Variants in RAB6A observed in about 807,000 individuals in gnomAD.
RAB6A encodes the protein RAB6A, member RAS oncogene family, also known as ras-related protein Rab-6A.
RAB6A carries 8 observed loss-of-function variants against 32.3 expected under a neutral mutation model. That is an observed-to-expected ratio of 0.25 (90% CI 0.15 to 0.45). The LOEUF is 0.45. Among genes scored for constraint, RAB6A ranks in the 20% least tolerant of loss-of-function variants. The pLI is 1.00. For synonymous variants in RAB6A, 73 were observed against 82.1 expected (o/e 0.89, Z 0.60); for missense variants, 104 against 249.4 (o/e 0.42, Z 3.93).
At chr11:73,751,801 C>G (rs977133031) in intron 1 of RAB6A, among the ~76,000 whole-genome samples, 9 of 152,152 alleles carry the variant, frequency 5.9e-5, no homozygotes, top group African/African-American at 2.2e-4. Context: ...AAGATTCTCT[C>G]CAGCAGTGCA....
chr11:73,735,912 C>A (rs1158680809), intron 1 of RAB6A, among the ~76,000 whole-genome samples: 3 of 95,966 alleles, frequency 3.1e-5, no homozygotes, highest in African/African-American at 1.2e-4. Context: ...GGAATCCCAA[C>A]CTTGCCTTAA....
At chr11:73,711,379 G>A (rs1945955385) in intron 5 of RAB6A, among the ~76,000 whole-genome samples, 3 of 152,072 alleles carry the variant, frequency 2.0e-5, no homozygotes, top group Admixed American at 1.3e-4. Flanking sequence ...ACTTCACCTT[G>A]CATTTTTTCA....
chr11:73,677,497 G>A lies in RAB6A; in HGVS notation c.*401C>T, dbSNP rs2134854292. 2.8e-6 allele frequency: 1 copy of A among 351,416 alleles called. No homozygotes were observed. The highest frequency in any genetic ancestry group is 5.4e-5 in the East Asian group (1 of 18,390). The allele number at this position is 351,416 out of a possible 1,614,324, so 21.8% of individuals were successfully genotyped here. A position where few individuals can be genotyped will look rare whatever the true frequency, so the allele number is the denominator to read the frequency against. On this transcript the variant is annotated 3_prime_UTR_variant, in exon 8 of 8. Coordinates refer to ENST00000336083, the MANE Select transcript of RAB6A (RefSeq NM_198896.2). ...ATAGGGTAATAGGGAATGGGGGTAA[G>A]TGAGAGGTGAGAAAAGCAAGGAGAG...
At chr11:73,687,598 G>T (rs185006342) in intron 6 of RAB6A, among the ~76,000 whole-genome samples, 1 of 152,294 alleles carries the variant, frequency 6.6e-6, no homozygotes, top group African/African-American at 2.4e-5. Context: ...CATGCCACTC[G>T]TAATCCCAGC....
chr11:73,737,275 A>G (rs1946412753), intron 1 of RAB6A, among the ~76,000 whole-genome samples: 1 of 152,048 alleles, frequency 6.6e-6, no homozygotes, highest in Admixed American at 6.6e-5. Context: ...GAGTGAATAC[A>G]GGAGTTCGAG....
chr11:73,706,470 C>T (rs1025725271), intron 6 of RAB6A, among the ~76,000 whole-genome samples: 2 of 151,040 alleles, frequency 1.3e-5, no homozygotes, highest in African/African-American at 4.9e-5. Flanking sequence ...GCCGAGATCG[C>T]GCCACTGCAC....
chr11:73,680,224 G>A (rs972740832), intron 6 of RAB6A, among the ~76,000 whole-genome samples: 17 of 151,932 alleles, frequency 1.1e-4, no homozygotes, highest in African/African-American at 3.9e-4. Flanking sequence ...TTAACTGGTG[G>A]GATAAGACAA....
intron 6 of RAB6A, among the ~76,000 whole-genome samples, chr11:73,681,681 T>C (rs1255282761): frequency 6.6e-6 from 1 of 152,144 alleles, no homozygotes; most frequent in East Asian, 1.9e-4. Flanking sequence ...TGGTAGCGCA[T>C]GCCCGTAATC....
chr11:73,689,616 A>T (rs1328227437), intron 6 of RAB6A, among the ~76,000 whole-genome samples: 1 of 152,168 alleles, frequency 6.6e-6, no homozygotes, highest in Non-Finnish European at 1.5e-5. Context: ...CTTTCAACCA[A>T]TTGCCACTCA....
At chr11:73,693,148 C>T (rs185513720) in intron 6 of RAB6A, among the ~76,000 whole-genome samples, 20 of 151,904 alleles carry the variant, frequency 1.3e-4, no homozygotes, top group Admixed American at 2.6e-4. Context: ...ATTAGCCATG[C>T]GTGGTGGCAC....
chr11:73,719,814 C>T (rs1946108531), intron 3 of RAB6A, among the ~76,000 whole-genome samples: 1 of 151,864 alleles, frequency 6.6e-6, no homozygotes, highest in African/African-American at 2.4e-5. Flanking sequence ...TGGGGTTTCG[C>T]CATGTTGGCC....
At chr11:73,720,920 G>A (rs1039801412) in intron 2 of RAB6A, 21 bp from the exon 3 acceptor site, 10 of 1,570,700 alleles carry the variant, frequency 6.4e-6, no homozygotes, top group Non-Finnish European at 8.7e-6. Context: ...AAACAAAGAA[G>A]TTAACAAATA....
chr11:73,713,001 C>T (rs900048313), intron 5 of RAB6A, among the ~76,000 whole-genome samples: 7 of 152,072 alleles, frequency 4.6e-5, no homozygotes, highest in Non-Finnish European at 7.4e-5. Context: ...GTGTGAGCCA[C>T]CACGCTGGCC....
intron 6 of RAB6A, among the ~76,000 whole-genome samples, chr11:73,688,751 T>A (rs1167104742): frequency 6.6e-6 from 1 of 152,238 alleles, no homozygotes; most frequent in Non-Finnish European, 1.5e-5. Context: ...AACATTTCTA[T>A]TTACATAAGT....
At chr11:73,719,599 C>T (rs189399373) in intron 3 of RAB6A, among the ~76,000 whole-genome samples, 2 of 151,776 alleles carry the variant, frequency 1.3e-5, no homozygotes, top group East Asian at 1.9e-4. Flanking sequence ...ATGATAAAGT[C>T]GTTTCCAAGC....
At chr11:73,747,043 C>T (rs762638504) in intron 1 of RAB6A, among the ~76,000 whole-genome samples, 22 of 152,026 alleles carry the variant, frequency 1.4e-4, no homozygotes, top group Non-Finnish European at 2.8e-4. Flanking sequence ...TCAAGCGTTT[C>T]GGCCTCCCAA....
intron 1 of RAB6A, among the ~76,000 whole-genome samples, chr11:73,749,188 G>A (rs1055779404): frequency 2.0e-5 from 3 of 152,108 alleles, no homozygotes; most frequent in African/African-American, 7.2e-5. Flanking sequence ...GCCATAAAAA[G>A]GAACGAAGTA....
intron 6 of RAB6A, among the ~76,000 whole-genome samples, chr11:73,696,672 C>T (rs1292496634): frequency 6.6e-6 from 1 of 152,002 alleles, no homozygotes; most frequent in Non-Finnish European, 1.5e-5. Flanking sequence ...CATGCATGAT[C>T]ATGGGTCACT....
chr11:73,731,329 G>A (rs1293989897), intron 1 of RAB6A, among the ~76,000 whole-genome samples: 2 of 152,028 alleles, frequency 1.3e-5, no homozygotes, highest in Non-Finnish European at 2.9e-5. Flanking sequence ...TGGATCACGA[G>A]GTCAAGAGAT....
Sources: allele counts gnomAD v4.1 joint callset (sites outside exome capture counted in the v4.1 genomes callset), GRCh38; gene constraint gnomAD v4.1.1; transcripts MANE v1.5; gene names NCBI Gene and HGNC (gene_info 2026-07-23, HGNC 2026-07-21).